The following SRGAP3 variants were observed in gnomAD, a reference collection of about 807,000 sequenced individuals.
The protein encoded by SRGAP3 is SLIT-ROBO Rho GTPase activating protein 3, also known as SLIT-ROBO Rho GTPase-activating protein 3.
SRGAP3 carries 39 observed loss-of-function variants against 121.1 expected under a neutral mutation model. The observed-to-expected ratio is 0.32, with a 90% CI of 0.25 to 0.42. The LOEUF is 0.42. SRGAP3 is among the 10% of genes least tolerant of loss of function. SRGAP3 has a pLI of 1.00. For synonymous variants in SRGAP3, 601 were observed against 570.0 expected, an observed-to-expected ratio of 1.05 and a Z score of -0.77; for missense variants, 1,213 against 1,470.6, an observed-to-expected ratio of 0.82 and a Z score of 2.86.
intron 3 of SRGAP3, among the ~76,000 whole-genome samples, chr3:9,291,231 T>C (rs1266956236): frequency 4.0e-5 from 6 of 151,890 alleles, no homozygotes; most frequent in Admixed American, 2.0e-4. Context: ...GAACATGGTA[T>C]GGTGAAAGCA....
chr3:9,314,449 GGAAGGA>G (rs1231048363), intron 3 of SRGAP3, among the ~76,000 whole-genome samples: 1 of 152,046 alleles, frequency 6.6e-6, no homozygotes, highest in Admixed American at 6.6e-5. Context: ...GAAGAAAGAA[GGAAGGA>G]GAAGGAGAAG....
At chr3:9,114,272 T>C (rs1948729427) in intron 2 of SRGAP3, among the ~76,000 whole-genome samples, 1 of 152,210 alleles carries the variant, frequency 6.6e-6, no homozygotes, top group Non-Finnish European at 1.5e-5. Context: ...ACACAACCCA[T>C]GCTATTCTCT....
intron 3 of SRGAP3, among the ~76,000 whole-genome samples, chr3:9,283,767 A>C (rs1052284883): frequency 1.3e-5 from 2 of 152,224 alleles, no homozygotes; most frequent in African/African-American, 4.8e-5. Context: ...AGTTTTTTAA[A>C]ACTCATAATG....
intron 4 of SRGAP3, among the ~76,000 whole-genome samples, chr3:9,068,215 G>A (rs2125224143): frequency 6.6e-6 from 1 of 152,294 alleles, no homozygotes; most frequent in South Asian, 2.1e-4. Context: ...GGGTAGTTCA[G>A]GGGAAAAGAG....
At chr3:9,136,402 C>A (rs1422989055) in intron 1 of SRGAP3, among the ~76,000 whole-genome samples, 3 of 9,446 alleles carry the variant, frequency 3.2e-4, no homozygotes, top group African/African-American at 2.6e-3. Context: ...GGACCCCCCC[C>A]CCCCCCGACC....
chr3:9,038,146 ACATT>A (rs1354867566), intron 10 of SRGAP3, 56 bp from the exon 11 acceptor site: 4 of 1,609,062 alleles, frequency 2.5e-6, no homozygotes, highest in Non-Finnish European at 3.4e-6. Context: ...AATCCAAAGA[ACATT>A]CATCTTTTTC....
chr3:9,258,860 T>C (rs1363490805), intron 3 of SRGAP3, among the ~76,000 whole-genome samples: 1 of 152,132 alleles, frequency 6.6e-6, no homozygotes, highest in African/African-American at 2.4e-5. Context: ...CGTGCCTCCC[T>C]CCTATTTGCG....
chr3:9,338,274 G>T (rs566401677), intron 1 of SRGAP3, among the ~76,000 whole-genome samples: 43 of 152,264 alleles, frequency 2.8e-4, no homozygotes, highest in Non-Finnish European at 3.7e-4. Flanking sequence ...AATAAAAAAA[G>T]AGTAGTAGAA....
chr3:9,141,550 AGG>A lies in SRGAP3; in HGVS notation c.68-16635_68-16634del, dbSNP rs1354567563. Among the ~76,000 whole-genome samples the A allele has an allele frequency of 2.4e-3, 281 of 117,040 alleles. 1 individual carries two copies. The highest frequency in any genetic ancestry group is 0.012 in the African/African-American group (270 of 22,990). The allele number at this position is 117,040 out of a possible 152,430, so 76.8% of individuals were successfully genotyped here. On this transcript the variant is annotated intron_variant, in intron 1 of 21. Transcript: ENST00000383836. ...AAAGAAACAAGAAGGATCTGACTTC[AGG>A]GGTGTGTGTGTGTGTGTGTGTGTGT...
chr3:9,022,992 G>A (rs768281659), intron 14 of SRGAP3, among the ~76,000 whole-genome samples: 3 of 152,204 alleles, frequency 2.0e-5, no homozygotes, highest in Admixed American at 2.0e-4. Context: ...CAAGTGACAG[G>A]AGGTGCTGAC....
chr3:9,282,061 CA>C (rs908472709), intron 3 of SRGAP3, among the ~76,000 whole-genome samples: 1 of 152,224 alleles, frequency 6.6e-6, no homozygotes, highest in Non-Finnish European at 1.5e-5. Flanking sequence ...TACCTCTTTC[CA>C]AACCCTGTCT....
At chr3:9,349,943 T>C (rs1220054214) in intron 1 of SRGAP3, 1 of 152,214 alleles carries the variant, frequency 6.6e-6, no homozygotes, top group Non-Finnish European at 1.5e-5. Context: ...TGTCCAAGTG[T>C]GTCTCTCTCT....
intron 4 of SRGAP3, among the ~76,000 whole-genome samples, chr3:9,064,839 T>A (rs1946348057): frequency 1.4e-5 from 2 of 147,590 alleles, no homozygotes; most frequent in Admixed American, 1.4e-4. Context: ...CATGGGCTAG[T>A]AAAGAGGAAA....
At position 9,150,776 on chromosome 3, in the gene SRGAP3, G is replaced by A. The variant is rs1412305906; in HGVS notation, c.68-25859C>T. Among the ~76,000 whole-genome samples, 4 of 152,188 alleles carry A rather than the reference G, an allele frequency of 2.6e-5. No individual in the cohort carries two copies. The South Asian group carries it at 6.2e-4, about 24-fold the overall frequency. On this transcript the variant is annotated intron_variant, in intron 1 of 21. Transcript: ENST00000383836. The stretch of plus-strand genomic sequence containing the variant: ...AAAAAGGGAAAAAGAACATCTCAAC[G>A]GAGGCTGTGTGTTGTGGCATTCATT...
At chr3:9,204,627 CGA>C (rs1359018856) in intron 1 of SRGAP3, among the ~76,000 whole-genome samples, 2 of 148,474 alleles carry the variant, frequency 1.3e-5, no homozygotes, top group Non-Finnish European at 3.0e-5. Flanking sequence ...TACACCCAAA[CGA>C]GGTACCAACT....
At chr3:9,235,185 GTTTA>G (rs1476363742) in intron 1 of SRGAP3, among the ~76,000 whole-genome samples, 2 of 152,130 alleles carry the variant, frequency 1.3e-5, no homozygotes, top group Non-Finnish European at 2.9e-5. Flanking sequence ...TTGACAAACT[GTTTA>G]TTTTTAGGCC....
At chr3:9,277,058 C>T (rs1954597226) in intron 3 of SRGAP3, among the ~76,000 whole-genome samples, 1 of 152,174 alleles carries the variant, frequency 6.6e-6, no homozygotes, top group Non-Finnish European at 1.5e-5. Flanking sequence ...TCTCATATAG[C>T]ATATGGAGAT....
intron 6 of SRGAP3, chr3:9,058,911 G>C (rs969581843): frequency 1.8e-5 from 4 of 227,872 alleles, no homozygotes; most frequent in African/African-American, 6.9e-5. Flanking sequence ...ACAGAGACAG[G>C]GATTTACTGT....
Position 9,352,270 on chromosome 3 carries a change from C to T in SRGAP3, n.214+10570G>A, listed in dbSNP as rs542744871. Reference sequence around the variant, plus strand: ...CCTTTTCCTCCACAGATGTTATGGACATTTTTTTTTTTTTTTTTTTTGAGA... The same window carrying T: ...CCTTTTCCTCCACAGATGTTATGGATATTTTTTTTTTTTTTTTTTTTGAGA... On this transcript the variant is annotated intron_variant and non_coding_transcript_variant, in intron 1 of 3. Transcript: ENST00000490889. Among the ~76,000 whole-genome samples, 591 of 140,204 alleles carry T rather than the reference C, an allele frequency of 4.2e-3. 4 individuals are homozygous for T. Among genetic ancestry groups the T allele is most frequent in the African/African-American group, 0.015 (510 of 34,418 alleles). The allele number at this position is 140,204 out of a possible 152,430, so 92.0% of individuals were successfully genotyped here.
Sources: allele counts gnomAD v4.1 joint callset (sites outside exome capture counted in the v4.1 genomes callset), GRCh38; gene constraint gnomAD v4.1.1; transcripts MANE v1.5; gene names NCBI Gene and HGNC (gene_info 2026-07-23, HGNC 2026-07-21).